Variants in PCDHGA9 observed in about 807,000 individuals in gnomAD.
PCDHGA9 encodes the protein protocadherin gamma subfamily A, 9.
A neutral mutation model predicts 62.5 loss-of-function variants in PCDHGA9; 37 were observed. The ratio of observed to expected loss-of-function variants is 0.59; its 90% CI spans 0.46 to 0.78. PCDHGA9 has a LOEUF of 0.78. Among genes scored for constraint, PCDHGA9 ranks in the 30% least tolerant of loss-of-function variants. The probability of loss-of-function intolerance (pLI) is 0.00; values close to 1 mark genes in which losing one functional copy is unlikely to be tolerated. For synonymous variants in PCDHGA9, 459 were observed against 484.6 expected, an observed-to-expected ratio of 0.95 and a Z score of 0.69; for missense variants, 1,138 against 1,166.2, an observed-to-expected ratio of 0.98 and a Z score of 0.35.
chr5:141,404,382 A>G lies in PCDHGA9; in HGVS notation c.1430A>G (p.Tyr477Cys), dbSNP rs765708858. The G allele has an allele frequency of 1.7e-5, 27 of 1,613,860 alleles. No individual in the cohort carries two copies. The highest frequency in any genetic ancestry group is 1.2e-4 in the South Asian group (11 of 91,092). The change falls in exon 1 of 4, where the codon TAT (tyrosine) becomes TGT (cysteine). Residue 477 changes from tyrosine (Y) to cysteine (C), a missense_variant. Tyr to Cys is a radical substitution (Grantham distance 194). Coordinates refer to ENST00000573521, the MANE Select transcript of PCDHGA9 (RefSeq NM_018921.3). ...ACTTCCATCTTCTCCGTGATTGCCT[A>G]TGACCCTGATAGCAATGAGAATTCT... ...RGTSIFSVIA[Y>C]DPDSNENSRV...
chr5:141,418,938 C>A, intron 1 of PCDHGA9: 3 of 1,613,738 alleles, frequency 1.9e-6, no homozygotes, highest in Non-Finnish European at 2.5e-6. Flanking sequence ...ATGGAGGATT[C>A]CCCTCCAGGA....
rs1596285501 is a variant in PCDHGA9, at chr5:141,510,367, C to A, written c.2573-580C>A. Among the ~76,000 whole-genome samples the A allele has an allele frequency of 5.0e-5, 7 of 140,362 alleles. 1 individual carries two copies. In the South Asian group the frequency reaches 1.6e-3, roughly 31 times the overall value. The allele number at this position is 140,362 out of a possible 152,430, so 92.1% of individuals were successfully genotyped here. A position where few individuals can be genotyped will look rare whatever the true frequency, so the allele number is the denominator to read the frequency against. On this transcript the variant is annotated intron_variant, in intron 3 of 3. Transcript: ENST00000573521. ...ACACTTACTAACGGAACTACCGAAT[C>A]TCTACTCGTGCCAGGCCTTGCTTGG...
At chr5:141,501,569 G>A (rs1401631416) in intron 2 of PCDHGA9, among the ~76,000 whole-genome samples, 3 of 151,998 alleles carry the variant, frequency 2.0e-5, no homozygotes, top group African/African-American at 7.2e-5. Flanking sequence ...AATCATATTA[G>A]GCTGGCTTTC....
intron 1 of PCDHGA9, chr5:141,423,903 AG>A: frequency 7.8e-7 from 1 of 1,276,130 alleles, no homozygotes. Context: ...TTGATTTCAA[AG>A]GGGCCATTCA....
chr5:141,443,254 G>A (rs185181143), intron 1 of PCDHGA9, among the ~76,000 whole-genome samples: 30 of 152,006 alleles, frequency 2.0e-4, no homozygotes, highest in Admixed American at 1.6e-3. Context: ...GCCAAGGCGG[G>A]TGGATCACTT....
rs756706355 is a variant in PCDHGA9 at position 141,486,950 on chromosome 5, G to A, written c.2425-7857G>A. On this transcript the variant is annotated intron_variant, in intron 1 of 3. Transcript: ENST00000573521. This position sits in a 1 kb window ranked among gnomAD's most constrained non-coding sequence, Gnocchi z 5.0. The stretch of plus-strand genomic sequence containing the variant: ...TGGTGCTGGCCACCTAATCACAAAG[G>A]TGACTGCTGTGGACTTGGATTCAGG... 2 of 1,614,202 alleles carry A rather than the reference G, an allele frequency of 1.2e-6. No homozygotes were observed. The highest frequency in any genetic ancestry group is 1.7e-6 in the Non-Finnish European group (2 of 1,180,044).
Position 141,405,164 on chromosome 5 carries a change from T to C in PCDHGA9, c.2212T>C (p.Ser738Pro). The change falls in exon 1 of 4, where the codon TCA becomes CCA. Residue 738 changes from serine (S) to proline (P), a missense_variant. By Grantham distance (74) the Ser-to-Pro change is moderately conservative. Coordinates refer to ENST00000573521, the MANE Select transcript of PCDHGA9 (RefSeq NM_018921.3). ...TGATGGGTTGGCTGGTGTGCCCACCTCACACTTTGTGGGTGTAGATGGGGT... is the reference window on the plus strand; with the variant it reads ...TGATGGGTTGGCTGGTGTGCCCACCCCACACTTTGTGGGTGTAGATGGGGT... The part of the protein sequence containing the change: ...TSDGLAGVPT[S>P]HFVGVDGVRA... 6.2e-7 allele frequency: 1 copy of C among 1,614,076 alleles called. No homozygotes were observed. Among genetic ancestry groups the C allele is most frequent in the East Asian group, 2.2e-5 (1 of 44,858 alleles).
chr5:141,405,407 C>G, intron 1 of PCDHGA9, 31 bp downstream of exon 1: 2 of 1,582,052 alleles, frequency 1.3e-6, no homozygotes, highest in Non-Finnish European at 1.7e-6. Flanking sequence ...TCTTTCTTTT[C>G]TTTTTTTGTT....
rs1180919465 is a variant in PCDHGA9 at position 141,410,681 on chromosome 5, G to A, written c.2424+5305G>A. On this transcript the variant is annotated intron_variant, in intron 1 of 3. Coordinates refer to ENST00000573521, the MANE Select transcript of PCDHGA9 (RefSeq NM_018921.3). ...AGTCTACTAGTTTCTCATATTTTAG[G>A]CATACTACTTTATTTTCATATCTAG... The A allele has an allele frequency of 3.9e-6, 6 of 1,535,084 alleles. No homozygotes were observed. The East Asian group carries it at 1.4e-4, about 35-fold the overall frequency.
In PCDHGA9 at chr5:141,431,841, C is replaced by T; in HGVS notation, c.2424+26465C>T. The T allele has an allele frequency of 6.2e-7, 1 of 1,614,246 alleles. No homozygotes were observed. Among genetic ancestry groups the T allele is most frequent in the Non-Finnish European group, 8.5e-7 (1 of 1,180,044 alleles). ...GCCAGCTCGGTTCCCGAAAACTCTC[C>T]CAGAGGGACATTAATTGCCCTTTTA... On this transcript the variant is annotated intron_variant, in intron 1 of 3. Coordinates refer to ENST00000573521, the MANE Select transcript of PCDHGA9 (RefSeq NM_018921.3). The surrounding 1 kb of genome is among the most constrained non-coding windows in gnomAD (Gnocchi z 4.8).
At chr5:141,474,888 G>T (rs1349812637) in intron 1 of PCDHGA9, among the ~76,000 whole-genome samples, 1 of 152,176 alleles carries the variant, frequency 6.6e-6, no homozygotes, top group Non-Finnish European at 1.5e-5. Context: ...ACTCTTAGAG[G>T]TTCATTTCTT....
rs894528472 is a variant in PCDHGA9 at position 141,489,718 on chromosome 5, C to A, written c.2425-5089C>A. 6.2e-7 allele frequency: 1 copy of A among 1,614,038 alleles called. No individual in the cohort carries two copies. Among genetic ancestry groups the A allele is most frequent in the African/African-American group, 1.3e-5 (1 of 74,934 alleles). ...ATTCCCACTGGACAGTGCCCAGGATCCGGATGTGGGCACCAATACTGTGAG... is the reference window on the plus strand; with the variant it reads ...ATTCCCACTGGACAGTGCCCAGGATACGGATGTGGGCACCAATACTGTGAG... On this transcript the variant is annotated intron_variant, in intron 1 of 3. Coordinates refer to ENST00000573521, the MANE Select transcript of PCDHGA9 (RefSeq NM_018921.3). This position sits in a 1 kb window ranked among gnomAD's most constrained non-coding sequence, Gnocchi z 4.5.
intron 3 of PCDHGA9, chr5:141,507,424 G>C (rs577364087): frequency 6.6e-6 from 1 of 152,202 alleles, no homozygotes; most frequent in African/African-American, 2.4e-5. Context: ...GGTTAAGTGG[G>C]GCCAGGCCTA....
intron 1 of PCDHGA9, chr5:141,410,048 C>T (rs1471679304): frequency 4.3e-6 from 7 of 1,613,042 alleles, no homozygotes; most frequent in Non-Finnish European, 4.2e-6. Flanking sequence ...TGAGCCCGGA[C>T]TCTTCAGCCT....
At chr5:141,470,574 CA>C (rs1369567985) in intron 1 of PCDHGA9, among the ~76,000 whole-genome samples, 1 of 152,188 alleles carries the variant, frequency 6.6e-6, no homozygotes, top group Non-Finnish European at 1.5e-5. Flanking sequence ...CAAGCAGGAT[CA>C]ACTTCATAGG....
chr5:141,489,660 G>A lies in PCDHGA9; in HGVS notation c.2425-5147G>A, dbSNP rs763985085. 3 of 1,614,096 alleles carry A rather than the reference G, an allele frequency of 1.9e-6. No individual in the cohort carries two copies. Among genetic ancestry groups the A allele is most frequent in the Non-Finnish European group, 2.5e-6 (3 of 1,180,036 alleles). On this transcript the variant is annotated intron_variant, in intron 1 of 3. Coordinates refer to ENST00000573521, the MANE Select transcript of PCDHGA9 (RefSeq NM_018921.3). The surrounding 1 kb of genome is among the most constrained non-coding windows in gnomAD (Gnocchi z 4.5). Reference sequence around the variant, plus strand: ...GCTTTGCCACCCCTGAGCGAGAGATGCGCATCTCAGAATCAGCAGCATCTG... The same window carrying A: ...GCTTTGCCACCCCTGAGCGAGAGATACGCATCTCAGAATCAGCAGCATCTG...
chr5:141,431,032 C>T lies in PCDHGA9; in HGVS notation c.2424+25656C>T. 1 of 1,614,008 alleles carries T rather than the reference C, an allele frequency of 6.2e-7. No individual in the cohort carries two copies. The highest frequency in any genetic ancestry group is 2.2e-5 in the East Asian group (1 of 44,848). On this transcript the variant is annotated intron_variant, in intron 1 of 3. Transcript: ENST00000573521. This position sits in a 1 kb window ranked among gnomAD's most constrained non-coding sequence, Gnocchi z 4.8. ...GCTTGGTCACGGCGGGCAGGATAGA[C>T]CGGGAGGAGCTCTGTATGGGGGCCA...
At chr5:141,457,475 G>T (rs1203288452) in intron 1 of PCDHGA9, among the ~76,000 whole-genome samples, 1 of 152,142 alleles carries the variant, frequency 6.6e-6, no homozygotes, top group East Asian at 1.9e-4. Flanking sequence ...AATAAGCAGG[G>T]CCAGGGTTAG....
In PCDHGA9 at chr5:141,471,046, CTTT is replaced by C. The variant is rs1170588345; in HGVS notation, c.2425-23743_2425-23741del. ...ATTTTTATTAACAAGCCCAAGCCCT[CTTT>C]TTTTTTTTTTTTTTTTTGAGACAGG... On this transcript the variant is annotated intron_variant, in intron 1 of 3. Coordinates refer to ENST00000573521, the MANE Select transcript of PCDHGA9 (RefSeq NM_018921.3). 4.8e-4 allele frequency among the ~76,000 whole-genome samples: 54 copies of C among 113,240 alleles called. 1 individual carries two copies. Among genetic ancestry groups the C allele is most frequent in the Middle Eastern group, 5.2e-3 (1 of 192 alleles). 74.3% of individuals were successfully genotyped at this position (113,240 alleles called of 152,430 possible).
Sources: gnomAD v4.1 joint callset for allele counts (sites outside exome capture counted in the v4.1 genomes callset) on GRCh38, gnomAD v4.1.1 for gene constraint, Gnocchi (gnomAD v3.1) non-coding constraint, MANE v1.5 for transcripts, NCBI Gene and HGNC (gene_info 2026-07-23, HGNC 2026-07-21) for gene names.